CDH18: variants seen among roughly 807,000 people sequenced by gnomAD.
The protein encoded by CDH18 is cadherin 18.
A neutral mutation model predicts 67.9 loss-of-function variants in CDH18; 31 were observed. That is an observed-to-expected ratio of 0.46 (90% confidence interval 0.34 to 0.62). The LOEUF is 0.62. Among genes scored for constraint, CDH18 ranks in the 20% least tolerant of loss-of-function variants. The pLI, the probability that CDH18 is intolerant of heterozygous loss-of-function variation, is 0.01. For synonymous variants in CDH18, 362 were observed against 347.2 expected, an observed-to-expected ratio of 1.04 and a Z score of -0.48; for missense variants, 890 against 975.5, an observed-to-expected ratio of 0.91 and a Z score of 1.17.
intron 1 of CDH18, among the ~76,000 whole-genome samples, chr5:20,445,699 G>C (rs1369221010): frequency 6.6e-6 from 1 of 152,160 alleles, no homozygotes; most frequent in Non-Finnish European, 1.5e-5. Context: ...AGGATTCTTT[G>C]ATAGAAGCAG....
At chr5:20,207,071 G>T (rs1261743318) in intron 2 of CDH18, among the ~76,000 whole-genome samples, 1 of 151,312 alleles carries the variant, frequency 6.6e-6, no homozygotes, top group Non-Finnish European at 1.5e-5. Flanking sequence ...TTGTGCACAG[G>T]CAACATGCTA....
At chr5:19,812,943 T>C in intron 3 of CDH18, among the ~76,000 whole-genome samples, 1 of 152,146 alleles carries the variant, frequency 6.6e-6, no homozygotes, top group East Asian at 1.9e-4. Context: ...ATATACGTCA[T>C]GGAATAATAT....
chr5:20,337,972 CAAAG>C (rs1413972192), intron 1 of CDH18, among the ~76,000 whole-genome samples: 2 of 152,168 alleles, frequency 1.3e-5, no homozygotes, highest in Admixed American at 6.5e-5. Flanking sequence ...TGGCAGTAGA[CAAAG>C]AGAGAGTGCT....
intron 1 of CDH18, among the ~76,000 whole-genome samples, chr5:20,289,243 T>A (rs1159773483): frequency 1.3e-5 from 2 of 152,036 alleles, no homozygotes; most frequent in South Asian, 2.1e-4. Flanking sequence ...ATTCAAAACA[T>A]CCTTATTTCT....
intron 1 of CDH18, among the ~76,000 whole-genome samples, chr5:20,503,979 A>C (rs983684045): frequency 6.6e-6 from 1 of 151,758 alleles, no homozygotes; most frequent in Non-Finnish European, 1.5e-5. Context: ...CGGAGGTTGC[A>C]GTGAGCCCAG....
At chr5:20,100,011 C>A (rs912495705) in intron 2 of CDH18, among the ~76,000 whole-genome samples, 1 of 152,030 alleles carries the variant, frequency 6.6e-6, no homozygotes, top group African/African-American at 2.4e-5. Flanking sequence ...GTCTCCAACT[C>A]CTGACTTCAA....
At chr5:20,346,470 C>T (rs531178776) in intron 1 of CDH18, among the ~76,000 whole-genome samples, 1 of 152,190 alleles carries the variant, frequency 6.6e-6, no homozygotes, top group East Asian at 1.9e-4. Flanking sequence ...AATCATCTGT[C>T]CCAAACTGTA....
intron 2 of CDH18, among the ~76,000 whole-genome samples, chr5:19,994,851 T>TAGAGAGAGAGAGAGAGAGAGAG (rs796697683): frequency 5.1e-5 from 2 of 39,200 alleles, no homozygotes; most frequent in African/African-American, 1.2e-4. Flanking sequence ...TATATATATA[T>TAGAGAGAGAGAGAGAGAGAGAG]ATATAGAGAG....
intron 9 of CDH18, among the ~76,000 whole-genome samples, chr5:19,532,989 G>C (rs528194837): frequency 6.6e-6 from 1 of 152,284 alleles, no homozygotes; most frequent in African/African-American, 2.4e-5. Context: ...TCCAGGAGGA[G>C]ATATTAAAGT....
intron 1 of CDH18, among the ~76,000 whole-genome samples, chr5:20,497,564 G>A (rs62355185): frequency 0.017 from 2,589 of 152,160 alleles, 40 homozygotes; most frequent in African/African-American, 0.039. Context: ...GTAAGTACAC[G>A]CTGTGATGTT....
At position 20,403,580 on chromosome 5, in the gene CDH18, T is replaced by C. The variant is rs192450068; in HGVS notation, c.-579-148075A>G. On this transcript the variant is annotated intron_variant, in intron 1 of 14. Coordinates refer to the CDH18 transcript ENST00000507958. The stretch of plus-strand genomic sequence containing the variant: ...CAGGTGTATTGTCACTGAGAAGTAA[T>C]ATTTTGAAAGAAATCTTTTTGTTTT... Among the ~76,000 whole-genome samples the C allele has an allele frequency of 1.6e-4, 25 of 152,312 alleles. No individual in the cohort carries two copies. The East Asian group carries it at 4.4e-3, about 27-fold the overall frequency.
intron 5 of CDH18, among the ~76,000 whole-genome samples, chr5:19,648,831 GT>G (rs370321094): frequency 0.067 from 9,772 of 146,558 alleles, 335 homozygotes; most frequent in Non-Finnish European, 0.076. Flanking sequence ...ATATGGAGAG[GT>G]TTTTTTTTTC....
intron 5 of CDH18, among the ~76,000 whole-genome samples, chr5:19,657,611 T>C (rs985716858): frequency 5.9e-5 from 9 of 152,268 alleles, no homozygotes; most frequent in Admixed American, 3.9e-4. Flanking sequence ...ATTTTTTTAA[T>C]TGTAAAATTG....
At chr5:20,051,765 C>A (rs79914945) in intron 2 of CDH18, among the ~76,000 whole-genome samples, 3,638 of 152,006 alleles carry the variant, frequency 0.024, 153 homozygotes, top group African/African-American at 0.083. Context: ...GAAAATAATT[C>A]TTATTGGAGA....
At chr5:20,511,418 T>A (rs1755027508) in intron 1 of CDH18, among the ~76,000 whole-genome samples, 2 of 152,054 alleles carry the variant, frequency 1.3e-5, no homozygotes, top group Non-Finnish European at 2.9e-5. Flanking sequence ...GGATAAACTG[T>A]CCCAGAGAAG....
At chr5:19,886,927 C>A (rs903857226) in intron 2 of CDH18, among the ~76,000 whole-genome samples, 3 of 152,080 alleles carry the variant, frequency 2.0e-5, no homozygotes, top group African/African-American at 7.2e-5. Flanking sequence ...ATAGCAGTAG[C>A]TTGATCTTTA....
At chr5:20,195,358 C>T (rs919172142) in intron 2 of CDH18, among the ~76,000 whole-genome samples, 1 of 152,004 alleles carries the variant, frequency 6.6e-6, no homozygotes, top group Admixed American at 6.6e-5. Flanking sequence ...TCTAACCCAG[C>T]TAATATGGGT....
At chr5:20,301,637 T>A (rs1368926826) in intron 1 of CDH18, among the ~76,000 whole-genome samples, 2 of 152,206 alleles carry the variant, frequency 1.3e-5, no homozygotes, top group African/African-American at 4.8e-5. Context: ...TCTTCTGAAA[T>A]AGAACAACTG....
intron 1 of CDH18, among the ~76,000 whole-genome samples, chr5:20,290,348 T>G (rs539372411): frequency 1.3e-5 from 2 of 152,138 alleles, no homozygotes; most frequent in Non-Finnish European, 2.9e-5. Context: ...ATGAGTATGT[T>G]GCTAATGCTT....
Sources: allele counts gnomAD v4.1 joint callset (sites outside exome capture counted in the v4.1 genomes callset), GRCh38; gene constraint gnomAD v4.1.1; transcripts MANE v1.5; gene names NCBI Gene and HGNC (gene_info 2026-07-23, HGNC 2026-07-21).